Variants in IREB2 observed in about 807,000 individuals in gnomAD.
IREB2 encodes iron responsive element binding protein 2.
Under a neutral mutation model 118.8 loss-of-function variants are expected in IREB2, and 39 were observed. The ratio of observed to expected loss-of-function variants is 0.33; its 90% CI spans 0.25 to 0.43. The LOEUF (loss-of-function observed/expected upper bound fraction) is 0.43. Among genes scored for constraint, IREB2 ranks in the 20% least tolerant of loss-of-function variants. The probability of loss-of-function intolerance (pLI) is 1.00; values close to 1 mark genes in which losing one functional copy is unlikely to be tolerated. For missense variants in IREB2, 900 were observed against 1,147.3 expected (o/e 0.78, Z 3.11); for synonymous variants, 372 against 392.2 (o/e 0.95, Z 0.61).
At chr15:78,471,968 A>T (rs541413313) in intron 7 of IREB2, 44 bp downstream of exon 7, 2 of 1,384,264 alleles carry the variant, frequency 1.4e-6, no homozygotes, top group Admixed American at 2.3e-5. Flanking sequence ...TGGGGTAAGG[A>T]TGTCAAGAAC....
intron 2 of IREB2, among the ~76,000 whole-genome samples, chr15:78,449,348 C>T (rs994321143): frequency 1.3e-5 from 2 of 152,204 alleles, no homozygotes; most frequent in Non-Finnish European, 2.9e-5. Flanking sequence ...GAACAAAAAT[C>T]TTGATTCCAA....
intron 2 of IREB2, 132 bp from the exon 3 acceptor site, chr15:78,462,790 G>A: frequency 3.1e-6 from 2 of 636,212 alleles, no homozygotes. Flanking sequence ...TAGTTTGTCA[G>A]ACTAAAAATG....
Position 78,466,391 on chromosome 15 carries a change from T to A in IREB2, c.531T>A (p.Ser177=). ...PCRGQTTCRG[S]CDSGELGRNS... Reference sequence around the variant, plus strand: ...GAGGCCAGACTACCTGCCGAGGATCTTGTGATTCTGGAGAACTAGGCCGAA... The same window carrying A: ...GAGGCCAGACTACCTGCCGAGGATCATGTGATTCTGGAGAACTAGGCCGAA... The change falls in exon 5 of 22, where the codon TCT becomes TCA. Residue 177 remains serine, a synonymous_variant. Coordinates refer to ENST00000258886, the MANE Select transcript of IREB2 (RefSeq NM_004136.4). 6.2e-7 allele frequency: 1 copy of A among 1,614,166 alleles called. No homozygotes were observed. Among genetic ancestry groups the A allele is most frequent in the Non-Finnish European group, 8.5e-7 (1 of 1,179,972 alleles).
intron 6 of IREB2, among the ~76,000 whole-genome samples, chr15:78,471,495 G>A (rs951192235): frequency 2.0e-5 from 3 of 152,156 alleles, no homozygotes; most frequent in Admixed American, 2.0e-4. Context: ...TCTTTGGAAC[G>A]CAGTTGAATA....
intron 10 of IREB2, chr15:78,479,919 T>A (rs1391722718): frequency 2.9e-5 from 4 of 135,710 alleles, no homozygotes; most frequent in Non-Finnish European, 3.2e-5. Flanking sequence ...AGACAGTGTC[T>A]AAAAAAAAAA....
At chr15:78,471,961 G>C (rs747095351) in intron 7 of IREB2, 37 bp downstream of exon 7, 3 of 1,412,628 alleles carry the variant, frequency 2.1e-6, no homozygotes, top group Non-Finnish European at 2.9e-6. Flanking sequence ...TTTCTTTTGG[G>C]GTAAGGATGT....
At chr15:78,467,395 GAAA>G (rs2051302037) in intron 5 of IREB2, among the ~76,000 whole-genome samples, 1 of 152,028 alleles carries the variant, frequency 6.6e-6, no homozygotes, top group African/African-American at 2.4e-5. Context: ...TTTTAAATAA[GAAA>G]AAGAGTTCTA....
chr15:78,452,380 A>ATG (rs1247034417), intron 2 of IREB2, among the ~76,000 whole-genome samples: 1 of 152,182 alleles, frequency 6.6e-6, no homozygotes, highest in Non-Finnish European at 1.5e-5. Flanking sequence ...TGAATCGGGC[A>ATG]TGTGGTTTTG....
intron 2 of IREB2, among the ~76,000 whole-genome samples, chr15:78,457,217 A>G (rs987456854): frequency 1.3e-5 from 2 of 152,116 alleles, no homozygotes; most frequent in African/African-American, 4.8e-5. Context: ...ATAATCATGT[A>G]ATCTATTGGT....
intron 2 of IREB2, among the ~76,000 whole-genome samples, chr15:78,450,315 G>T (rs1007679020): frequency 6.6e-6 from 1 of 152,192 alleles, no homozygotes; most frequent in African/African-American, 2.4e-5. Flanking sequence ...ATTAACTATG[G>T]TAAGAGTAAT....
intron 9 of IREB2, among the ~76,000 whole-genome samples, 187 bp from the exon 10 acceptor site, chr15:78,478,110 A>G (rs1010834524): frequency 3.3e-5 from 5 of 151,260 alleles, no homozygotes; most frequent in African/African-American, 4.9e-5. Flanking sequence ...TTAACCAGGC[A>G]CGGTGGGGTG....
intron 7 of IREB2, among the ~76,000 whole-genome samples, chr15:78,472,875 T>C (rs932331967): frequency 3.3e-5 from 5 of 152,180 alleles, no homozygotes; most frequent in African/African-American, 1.2e-4. Flanking sequence ...TAAATGTTGA[T>C]TTTTTTGTGC....
At chr15:78,483,901 C>T (rs1447537774) in intron 11 of IREB2, among the ~76,000 whole-genome samples, 1 of 151,386 alleles carries the variant, frequency 6.6e-6, no homozygotes, top group Non-Finnish European at 1.5e-5. Flanking sequence ...TCTCCTGCCT[C>T]AGCCCCCAAA....
At chr15:78,468,309 C>T in intron 5 of IREB2, among the ~76,000 whole-genome samples, 1 of 152,116 alleles carries the variant, frequency 6.6e-6, no homozygotes, top group East Asian at 1.9e-4. Context: ...GTGGCACCAT[C>T]TGTAGCCCAC....
chr15:78,440,031 T>G (rs2050820844), intron 2 of IREB2, 150 bp downstream of exon 2: 2 of 561,822 alleles, frequency 3.6e-6, no homozygotes, highest in African/African-American at 2.0e-5. Context: ...AAACTCCTCC[T>G]GGGACAACTT....
chr15:78,474,267 T>C (rs2051427453), intron 8 of IREB2: 1 of 152,234 alleles, frequency 6.6e-6, no homozygotes, highest in African/African-American at 2.4e-5. Context: ...TTTGGTTAGA[T>C]TATTGGTACG....
chr15:78,464,174 G>A (rs1305848046), intron 3 of IREB2, among the ~76,000 whole-genome samples: 2 of 152,194 alleles, frequency 1.3e-5, no homozygotes, highest in African/African-American at 4.8e-5. Context: ...TCAATAGTCT[G>A]TTCTTTACAC....
At chr15:78,440,688 C>G (rs1354103802) in intron 2 of IREB2, among the ~76,000 whole-genome samples, 1 of 152,156 alleles carries the variant, frequency 6.6e-6, no homozygotes, top group African/African-American at 2.4e-5. Flanking sequence ...GTCAAATGAA[C>G]AGTGCCCACA....
In IREB2 at chr15:78,438,227, C is replaced by G; in HGVS notation, c.-111C>G. The G allele has an allele frequency of 1.2e-6, 1 of 855,056 alleles. No homozygotes were observed. Among genetic ancestry groups the G allele is most frequent in the Non-Finnish European group, 1.9e-6 (1 of 514,846 alleles). The allele number at this position is 855,056 out of a possible 1,614,324, so 53.0% of individuals were successfully genotyped here. On this transcript the variant is annotated 5_prime_UTR_variant, in exon 1 of 22. Coordinates refer to ENST00000258886, the MANE Select transcript of IREB2 (RefSeq NM_004136.4). Reference sequence around the variant, plus strand: ...CGCGATATTTGCGCGAGCCTGCTTCCTTCTTTCCTCCCTTGCCAGTCCGCC... The same window carrying G: ...CGCGATATTTGCGCGAGCCTGCTTCGTTCTTTCCTCCCTTGCCAGTCCGCC...
Sources: allele counts gnomAD v4.1 joint callset (sites outside exome capture counted in the v4.1 genomes callset), GRCh38; gene constraint gnomAD v4.1.1; transcripts MANE v1.5; gene names NCBI Gene and HGNC (gene_info 2026-07-23, HGNC 2026-07-21).